Variants in PHEX observed in about 807,000 individuals in gnomAD.
The protein encoded by PHEX is phosphate-regulating neutral endopeptidase PHEX.
A neutral mutation model predicts 68.0 loss-of-function variants in PHEX; 16 were observed. That is an observed-to-expected ratio of 0.24 (90% CI 0.16 to 0.36). The LOEUF is 0.36. Ranked by LOEUF, PHEX falls within the 10% of genes least tolerant of loss-of-function variation. The pLI is 1.00. For missense variants in PHEX, 480 were observed against 575.5 expected (o/e 0.83, Z 1.70); for synonymous variants, 208 against 205.1 (o/e 1.01, Z -0.12).
chrX:22,061,612 T>C (rs1928367044), intron 3 of PHEX, among the ~76,000 whole-genome samples: 1 of 111,358 alleles, frequency 9.0e-6, no homozygotes, highest in East Asian at 2.8e-4. Flanking sequence ...GACTCTGAAC[T>C]GAGCTCCCAA....
At chrX:22,159,625 G>C (rs967417551) in intron 12 of PHEX, among the ~76,000 whole-genome samples, 1 of 112,485 alleles carries the variant, frequency 8.9e-6, no homozygotes, top group African/African-American at 3.2e-5. Context: ...AGTTTTATTG[G>C]AACAGAGTCA....
In PHEX at chrX:22,207,266, T is replaced by C. The variant is rs776244300; in HGVS notation, c.1646-5638T>C. ...TTATTACAAAGACCAATATTTTCTTTTGTCAGAATTTTAATCATTGAAGTG... is the reference window on the plus strand; with the variant it reads ...TTATTACAAAGACCAATATTTTCTTCTGTCAGAATTTTAATCATTGAAGTG... On this transcript the variant is annotated intron_variant, in intron 15 of 21. Coordinates refer to ENST00000379374, the MANE Select transcript of PHEX (RefSeq NM_000444.6). 4.4e-5 allele frequency among the ~76,000 whole-genome samples: 5 copies of C among 112,720 alleles called. No homozygotes were observed. In the South Asian group the frequency reaches 1.8e-3, roughly 41 times the overall value.
At chrX:22,078,614 T>C (rs1461464087) in intron 5 of PHEX, among the ~76,000 whole-genome samples, 1 of 112,175 alleles carries the variant, frequency 8.9e-6, no homozygotes, top group African/African-American at 3.2e-5. Context: ...CATCGTTTGA[T>C]TGAAGCTGGT....
At chrX:22,245,267 G>T in intron 20 of PHEX, 66 bp from the exon 21 acceptor site, 1 of 899,071 alleles carries the variant, frequency 1.1e-6, no homozygotes. Context: ...ATTTGGAGCA[G>T]TTAAAACAGC....
At chrX:22,228,169 G>A (rs1018636853) in intron 20 of PHEX, among the ~76,000 whole-genome samples, 5 of 112,183 alleles carry the variant, frequency 4.5e-5, no homozygotes, top group South Asian at 3.7e-4. Flanking sequence ...AGATGTACAC[G>A]AAATAAAGCA....
At chrX:22,115,637 G>C (rs1008399785) in intron 11 of PHEX, among the ~76,000 whole-genome samples, 6 of 111,791 alleles carry the variant, frequency 5.4e-5, no homozygotes, top group African/African-American at 2.0e-4. Flanking sequence ...TCTACTCTCT[G>C]CTTCTATATT....
intron 15 of PHEX, among the ~76,000 whole-genome samples, chrX:22,201,366 T>C (rs1477070321): frequency 2.7e-5 from 3 of 110,999 alleles, no homozygotes; most frequent in African/African-American, 9.9e-5. Context: ...TATATTTTTA[T>C]TAGAGACAGG....
intron 2 of PHEX, among the ~76,000 whole-genome samples, chrX:22,043,168 C>T (rs889888477): frequency 4.9e-4 from 55 of 112,499 alleles, no homozygotes; most frequent in African/African-American, 1.7e-3. Flanking sequence ...CATATCTAAC[C>T]TCAAGAGTTT....
In PHEX at chrX:22,226,442, G is replaced by T. The variant is rs755406730; in HGVS notation, c.1900-1G>T. 1.7e-6 allele frequency: 2 copies of T among 1,195,024 alleles called. No homozygotes were observed. Among genetic ancestry groups the T allele is most frequent in the South Asian group, 1.8e-5 (1 of 56,464 alleles). On this transcript the variant is annotated splice_acceptor_variant, in intron 18 of 21. Coordinates refer to ENST00000379374, the MANE Select transcript of PHEX (RefSeq NM_000444.6). LOFTEE classifies it high-confidence loss of function. ...TTTTTTTCCTTTTTTCTTTCTGTTA[G>T]GTCAAGGGGAAGAGGACCCTGGGAG...
intron 2 of PHEX, among the ~76,000 whole-genome samples, chrX:22,044,715 AAAAT>A (rs1186994428): frequency 4.4e-5 from 4 of 91,449 alleles, no homozygotes; most frequent in Admixed American, 1.3e-4. Flanking sequence ...TCTGTCTCAA[AAAAT>A]AAATAAATAA....
intron 5 of PHEX, among the ~76,000 whole-genome samples, chrX:22,081,054 C>T (rs1208268888): frequency 9.0e-6 from 1 of 111,462 alleles, no homozygotes; most frequent in East Asian, 2.8e-4. Flanking sequence ...ATATGCCTCT[C>T]AGAGCTCAAA....
intron 5 of PHEX, among the ~76,000 whole-genome samples, chrX:22,082,784 A>G (rs1160810625): frequency 8.9e-6 from 1 of 112,001 alleles, no homozygotes; most frequent in Non-Finnish European, 1.9e-5. Context: ...ATCTTGCCCA[A>G]AGTAATTTAC....
chrX:22,040,720 G>A (rs1312519974), intron 2 of PHEX, among the ~76,000 whole-genome samples: 1 of 110,896 alleles, frequency 9.0e-6, no homozygotes, highest in African/African-American at 3.3e-5. Flanking sequence ...AACGGGAGGA[G>A]CTTGCTAGGT....
intron 11 of PHEX, among the ~76,000 whole-genome samples, chrX:22,131,688 T>C (rs1569405220): frequency 8.9e-6 from 1 of 112,951 alleles, no homozygotes; most frequent in African/African-American, 3.2e-5. Flanking sequence ...TGACAATTTA[T>C]TATAGAACCA....
At chrX:22,115,348 T>A (rs1221149843) in intron 11 of PHEX, among the ~76,000 whole-genome samples, 1 of 112,199 alleles carries the variant, frequency 8.9e-6, no homozygotes, top group Non-Finnish European at 1.9e-5. Flanking sequence ...ACACAAAGTA[T>A]ACAAGATGAT....
At chrX:22,113,593 G>A (rs971703164) in intron 10 of PHEX, among the ~76,000 whole-genome samples, 2 of 111,649 alleles carry the variant, frequency 1.8e-5, no homozygotes, top group African/African-American at 6.5e-5. Flanking sequence ...TCTGTATTTT[G>A]CTTGTTTATC....
intron 9 of PHEX, among the ~76,000 whole-genome samples, chrX:22,104,438 T>C: frequency 9.1e-6 from 1 of 110,004 alleles, no homozygotes; most frequent in Non-Finnish European, 1.9e-5. Flanking sequence ...GAGCTGGTGT[T>C]TGAGGTGGAA....
chrX:22,248,233 T>C lies in PHEX; in HGVS notation c.*280T>C, dbSNP rs1569098768. ...TGTTAAAATGCTATCTGCTAAATTG[T>C]TGCTATTGTCCATTTTAGGGTGTTG... On this transcript the variant is annotated 3_prime_UTR_variant, in exon 22 of 22. Transcript: ENST00000379374. 2.8e-6 allele frequency: 1 copy of C among 351,277 alleles called. No homozygotes were observed. The highest frequency in any genetic ancestry group is 5.3e-5 in the East Asian group (1 of 18,707). 28.9% of individuals were successfully genotyped at this position (351,277 alleles called of 1,213,427 possible).
At chrX:22,237,765 C>T (rs1401174889) in intron 20 of PHEX, among the ~76,000 whole-genome samples, 1 of 112,323 alleles carries the variant, frequency 8.9e-6, no homozygotes, top group Non-Finnish European at 1.9e-5. Flanking sequence ...TCCCCTCAAA[C>T]ATGTCTTTGT....
Sources: allele counts gnomAD v4.1 joint callset (sites outside exome capture counted in the v4.1 genomes callset), GRCh38; gene constraint gnomAD v4.1.1; transcripts MANE v1.5; gene names NCBI Gene and HGNC (gene_info 2026-07-23, HGNC 2026-07-21).